The following TNFRSF9 variants were observed in gnomAD, a reference collection of about 807,000 sequenced individuals.
The protein encoded by TNFRSF9 is TNF receptor superfamily member 9.
TNFRSF9 carries 16 observed loss-of-function variants against 28.8 expected under a neutral mutation model. The ratio of observed to expected loss-of-function variants is 0.55; its 90% confidence interval spans 0.38 to 0.84. TNFRSF9 has a LOEUF of 0.84. Among genes scored for constraint, TNFRSF9 ranks in the 40% least tolerant of loss-of-function variants. TNFRSF9 has a pLI of 0.00. For missense variants in TNFRSF9, 303 were observed against 315.0 expected, an observed-to-expected ratio of 0.96 and a Z score of 0.29; for synonymous variants, 131 against 117.0, an observed-to-expected ratio of 1.12 and a Z score of -0.77.
Position 7,916,519 on chromosome 1 carries a change from G to T in TNFRSF9, c.*4316C>A, listed in dbSNP as rs999210342. Reference sequence around the variant, plus strand: ...GTAACCTAGGACACATGAGAGCCTCGCTCCATTATCTTGGATACCCCAACC... The same window carrying T: ...GTAACCTAGGACACATGAGAGCCTCTCTCCATTATCTTGGATACCCCAACC... On this transcript the variant is annotated 3_prime_UTR_variant, in exon 8 of 8. Transcript: ENST00000377507. 1 of 152,148 alleles carries T rather than the reference G, an allele frequency of 6.6e-6. No individual in the cohort carries two copies. The highest frequency in any genetic ancestry group is 1.5e-5 in the Non-Finnish European group (1 of 68,028). The allele number at this position is 152,148 out of a possible 1,614,324, so 9.4% of individuals were successfully genotyped here.
intron 6 of TNFRSF9, 88 bp from the exon 7 acceptor site, chr1:7,933,384 A>T: frequency 1.4e-6 from 2 of 1,451,666 alleles, no homozygotes; most frequent in Non-Finnish European, 1.8e-6. Flanking sequence ...TAAATTTCTA[A>T]GCATGAGAAG....
At chr1:7,931,005 T>C (rs1450745966) in intron 7 of TNFRSF9, among the ~76,000 whole-genome samples, 1 of 151,944 alleles carries the variant, frequency 6.6e-6, no homozygotes, top group Non-Finnish European at 1.5e-5. Context: ...GAAATCCAAA[T>C]AGCCAAAATA....
At chr1:7,922,536 G>T (rs1481587708) in intron 7 of TNFRSF9, among the ~76,000 whole-genome samples, 1 of 152,164 alleles carries the variant, frequency 6.6e-6, no homozygotes, top group Non-Finnish European at 1.5e-5. Context: ...AAGAGGCCAG[G>T]CGTGGTGACT....
rs1161734326 is a variant in TNFRSF9, at chr1:7,915,985, G to T, written c.*4850C>A. 6.6e-6 allele frequency: 1 copy of T among 151,946 alleles called. No homozygotes were observed. The highest frequency in any genetic ancestry group is 1.5e-5 in the Non-Finnish European group (1 of 67,982). 9.4% of individuals were successfully genotyped at this position (151,946 alleles called of 1,614,324 possible). On this transcript the variant is annotated 3_prime_UTR_variant, in exon 8 of 8. Coordinates refer to ENST00000377507, the MANE Select transcript of TNFRSF9 (RefSeq NM_001561.6). Reference sequence around the variant, plus strand: ...CTCTCCAAGTCCTACCACACACAGGGCACATGTAACCTGCCCTAGCTGCGG... The same window carrying T: ...CTCTCCAAGTCCTACCACACACAGGTCACATGTAACCTGCCCTAGCTGCGG...
intron 7 of TNFRSF9, among the ~76,000 whole-genome samples, chr1:7,924,949 A>G (rs1373805902): frequency 1.3e-5 from 2 of 152,228 alleles, no homozygotes; most frequent in Non-Finnish European, 2.9e-5. Context: ...ATTTTTGTAC[A>G]GCTGTACAAT....
rs58569630 is a variant in TNFRSF9 at position 7,924,294 on chromosome 1, CATATATATATATATATATATAT to C, written c.680-3393_680-3372del. 4.8e-4 allele frequency among the ~76,000 whole-genome samples: 62 copies of C among 130,014 alleles called. 2 individuals are homozygous for C. Among genetic ancestry groups the C allele is most frequent in the Middle Eastern group, 3.8e-3 (1 of 264 alleles). The allele number at this position is 130,014 out of a possible 152,430, so 85.3% of individuals were successfully genotyped here. A position where few individuals can be genotyped will look rare whatever the true frequency, so the allele number is the denominator to read the frequency against. On this transcript the variant is annotated intron_variant, in intron 7 of 7. Transcript: ENST00000377507. ...TTTATAGTTATTTCATAGTATATTC[CATATATATATATATATATATAT>C]ATATATATATATATATATAACCAGT...
intron 4 of TNFRSF9, 64 bp from the exon 5 acceptor site, chr1:7,937,820 G>A (rs1276054041): frequency 7.1e-6 from 10 of 1,411,610 alleles, no homozygotes; most frequent in Non-Finnish European, 9.0e-6. Context: ...AACTTTTCCT[G>A]TGATGAACTT....
intron 7 of TNFRSF9, among the ~76,000 whole-genome samples, chr1:7,923,203 A>G (rs935023793): frequency 7.2e-5 from 11 of 152,250 alleles, no homozygotes; most frequent in African/African-American, 2.4e-4. Flanking sequence ...ACCTGGTCCA[A>G]AAACTTCTAG....
At chr1:7,940,488 A>T (rs959422964) in intron 1 of TNFRSF9, among the ~76,000 whole-genome samples, 3 of 152,138 alleles carry the variant, frequency 2.0e-5, no homozygotes, top group African/African-American at 7.2e-5. Flanking sequence ...GCTATCACAT[A>T]ATCACTCTTC....
intron 7 of TNFRSF9, among the ~76,000 whole-genome samples, chr1:7,923,393 G>T (rs1304061238): frequency 6.6e-6 from 1 of 152,130 alleles, no homozygotes; most frequent in African/African-American, 2.4e-5. Flanking sequence ...GAACTCCCAC[G>T]TGTCTAGCAG....
rs1316349281 is a variant in TNFRSF9, at chr1:7,917,866, T to C, written c.*2969A>G. 3.4e-5 allele frequency: 5 copies of C among 148,278 alleles called. No homozygotes were observed. The highest frequency in any genetic ancestry group is 1.0e-4 in the African/African-American group (4 of 40,106). 9.2% of individuals were successfully genotyped at this position (148,278 alleles called of 1,614,324 possible). A position where few individuals can be genotyped will look rare whatever the true frequency, so the allele number is the denominator to read the frequency against. ...TTCAAGACCAGCCTGGGCAACATAA[T>C]GAAACCTCAGAAACCTCACCTCTGC... is the stretch of plus-strand genomic sequence containing the variant. On this transcript the variant is annotated 3_prime_UTR_variant, in exon 8 of 8. Coordinates refer to ENST00000377507, the MANE Select transcript of TNFRSF9 (RefSeq NM_001561.6).
chr1:7,929,201 G>T (rs546605939), intron 7 of TNFRSF9, among the ~76,000 whole-genome samples: 1 of 119,760 alleles, frequency 8.4e-6, no homozygotes, highest in Admixed American at 1.2e-4. Flanking sequence ...TTGCTCTGTC[G>T]CCCAGGCTGG....
intron 7 of TNFRSF9, among the ~76,000 whole-genome samples, chr1:7,929,181 A>G (rs1190226232): frequency 1.1e-5 from 1 of 87,308 alleles, no homozygotes. Flanking sequence ...TTTTTTTTTG[A>G]GACAGAGTCT....
intron 7 of TNFRSF9, among the ~76,000 whole-genome samples, chr1:7,929,967 C>CTT (rs56299901): frequency 0.032 from 3,637 of 112,984 alleles, 160 homozygotes; most frequent in Middle Eastern, 0.05. Flanking sequence ...GACCTAAAAC[C>CTT]TTTTTTTTTT....
intron 6 of TNFRSF9, among the ~76,000 whole-genome samples, chr1:7,933,950 G>A (rs1310619896): frequency 6.6e-6 from 1 of 152,156 alleles, no homozygotes; most frequent in Admixed American, 6.5e-5. Context: ...CTGGGAGGTA[G>A]AGGTTGCAGT....
In TNFRSF9 at chr1:7,920,373, T is replaced by G. The variant is rs1217262665; in HGVS notation, c.*462A>C. Reference sequence around the variant, plus strand: ...TGTTCTGTTAAAAGTGGTGCATTATTTTGGCCGGGCCTGGCAGTTCATGTC... The same window carrying G: ...TGTTCTGTTAAAAGTGGTGCATTATGTTGGCCGGGCCTGGCAGTTCATGTC... On this transcript the variant is annotated 3_prime_UTR_variant, in exon 8 of 8. Transcript: ENST00000377507. The G allele has an allele frequency of 1.3e-5, 2 of 155,460 alleles. No individual in the cohort carries two copies. Among genetic ancestry groups the G allele is most frequent in the Non-Finnish European group, 2.8e-5 (2 of 70,510 alleles). 9.6% of individuals were successfully genotyped at this position (155,460 alleles called of 1,614,324 possible).
At chr1:7,934,294 T>G (rs1639783019) in intron 6 of TNFRSF9, among the ~76,000 whole-genome samples, 1 of 151,084 alleles carries the variant, frequency 6.6e-6, no homozygotes, top group South Asian at 2.1e-4. Flanking sequence ...GGAGGATTGG[T>G]TGAGCACAGG....
At chr1:7,939,560 C>A (rs560336036) in intron 2 of TNFRSF9, among the ~76,000 whole-genome samples, 1 of 152,162 alleles carries the variant, frequency 6.6e-6, no homozygotes. Context: ...CGCTGCTATG[C>A]CCCCAGTCGG....
Position 7,916,531 on chromosome 1 carries a change from T to G in TNFRSF9, c.*4304A>C, listed in dbSNP as rs1358812601. 2 of 152,204 alleles carry G rather than the reference T, an allele frequency of 1.3e-5. No homozygotes were observed. Among genetic ancestry groups the G allele is most frequent in the African/African-American group, 2.4e-5 (1 of 41,450 alleles). 9.4% of individuals were successfully genotyped at this position (152,204 alleles called of 1,614,324 possible). ...ACATGAGAGCCTCGCTCCATTATCT[T>G]GGATACCCCAACCCTGTGGGGCATG... On this transcript the variant is annotated 3_prime_UTR_variant, in exon 8 of 8. Coordinates refer to ENST00000377507, the MANE Select transcript of TNFRSF9 (RefSeq NM_001561.6).
Sources: gnomAD v4.1 joint callset for allele counts (sites outside exome capture counted in the v4.1 genomes callset) on GRCh38, gnomAD v4.1.1 for gene constraint, MANE v1.5 for transcripts, NCBI Gene and HGNC (gene_info 2026-07-23, HGNC 2026-07-21) for gene names.